The following FAT2 variants were observed in gnomAD, a reference collection of about 807,000 sequenced individuals.
The protein encoded by FAT2 is protocadherin Fat 2.
In FAT2, 150 loss-of-function variants were observed where a neutral mutation model predicts 295.3. The ratio of observed to expected loss-of-function variants is 0.51; its 90% CI spans 0.44 to 0.58. The LOEUF (loss-of-function observed/expected upper bound fraction) is 0.58. Among genes scored for constraint, FAT2 ranks in the 20% least tolerant of loss-of-function variants. FAT2 has a pLI of 0.00. For synonymous variants in FAT2, 2,026 were observed against 2,150.3 expected, an observed-to-expected ratio of 0.94 and a Z score of 1.60; for missense variants, 4,868 against 5,442.7, an observed-to-expected ratio of 0.89 and a Z score of 3.32.
At position 151,527,909 on chromosome 5, in the gene FAT2, C is replaced by A. The variant is rs1312033273; in HGVS notation, c.10164+87G>T. The A allele has an allele frequency of 2.6e-6, 4 of 1,528,650 alleles. No individual in the cohort carries two copies. The Admixed American group carries it at 7.3e-5, about 28-fold the overall frequency. The allele number at this position is 1,528,650 out of a possible 1,614,324, so 94.7% of individuals were successfully genotyped here. ...GTCTGAGGAAGTTTCAGGATGGGGT[C>A]TTGACAGCGATTCATCTTCTGGACC... On this transcript the variant is annotated intron_variant, in intron 16 of 23. Transcript: ENST00000261800.
rs1330988268 is a variant in FAT2 at position 151,531,377 on chromosome 5, C to G, written c.9811+210G>C. ...GACCTGGCTGCGGACGTGGGAGGGTCCCGTTTAAGGGAGGCTCCCACATAA... is the reference window on the plus strand; with the variant it reads ...GACCTGGCTGCGGACGTGGGAGGGTGCCGTTTAAGGGAGGCTCCCACATAA... On this transcript the variant is annotated intron_variant, in intron 14 of 23. Coordinates refer to ENST00000261800, the MANE Select transcript of FAT2 (RefSeq NM_001447.3). This position sits in a 1 kb window ranked among gnomAD's most constrained non-coding sequence, Gnocchi z 5.7. Among the ~76,000 whole-genome samples, 1 of 152,062 alleles carries G rather than the reference C, an allele frequency of 6.6e-6. No homozygotes were observed. Among genetic ancestry groups the G allele is most frequent in the Admixed American group, 6.5e-5 (1 of 15,274 alleles).
intron 18 of FAT2, among the ~76,000 whole-genome samples, chr5:151,524,378 G>T (rs1753784478): frequency 6.6e-6 from 1 of 152,128 alleles, no homozygotes; most frequent in Non-Finnish European, 1.5e-5. Context: ...AATCCCCAGT[G>T]TAACAGTATT....
chr5:151,590,634 G>C (rs1320392205), intron 1 of FAT2, among the ~76,000 whole-genome samples: 1 of 152,172 alleles, frequency 6.6e-6, no homozygotes, highest in East Asian at 1.9e-4. Flanking sequence ...AGCAGCTACA[G>C]GAGAACCAGG....
intron 18 of FAT2, among the ~76,000 whole-genome samples, chr5:151,523,553 T>G (rs955665774): frequency 6.6e-6 from 1 of 152,162 alleles, no homozygotes; most frequent in Non-Finnish European, 1.5e-5. Context: ...TGCCTCCCAG[T>G]GCATGGAAGT....
Position 151,505,374 on chromosome 5 carries a change from A to G in FAT2, c.*191T>C. 1 of 669,212 alleles carries G rather than the reference A, an allele frequency of 1.5e-6. No individual in the cohort carries two copies. Among genetic ancestry groups the G allele is most frequent in the Non-Finnish European group, 2.5e-6 (1 of 397,932 alleles). The allele number at this position is 669,212 out of a possible 1,614,324, so 41.5% of individuals were successfully genotyped here. On this transcript the variant is annotated 3_prime_UTR_variant, in exon 24 of 24. Transcript: ENST00000261800. ...ACCCTAGTGCTGTTTCTGGAGCTCT[A>G]TCCTCAGCTTCCCTCCACCCTCAGG...
upstream of FAT2, among the ~76,000 whole-genome samples, chr5:151,592,694 C>T (rs371060239): frequency 2.6e-5 from 4 of 152,124 alleles, no homozygotes; most frequent in Admixed American, 6.5e-5. Flanking sequence ...TCTCTGTCTC[C>T]GCATTTGTTA....
intron 2 of FAT2, 152 bp downstream of exon 2, chr5:151,565,521 A>T: frequency 1.3e-6 from 1 of 759,200 alleles, no homozygotes; most frequent in Non-Finnish European, 2.0e-6. Flanking sequence ...CAAATTAAAA[A>T]TAAAATACAC....
chr5:151,520,577 G>A (rs1173487613), intron 19 of FAT2, among the ~76,000 whole-genome samples: 1 of 152,190 alleles, frequency 6.6e-6, no homozygotes, highest in Non-Finnish European at 1.5e-5. Context: ...GGGGCTTATT[G>A]TGGGCCAGCC....
rs150923924 is a variant in FAT2 at position 151,533,741 on chromosome 5, A to G, written c.9427+668T>C. On this transcript the variant is annotated intron_variant, in intron 13 of 23. Transcript: ENST00000261800. ...TATACATATATATATACATACACAC[A>G]TACATATATATATGTGATATATATA... Among the ~76,000 whole-genome samples the G allele has an allele frequency of 3.4e-3, 513 of 152,024 alleles. 1 individual carries two copies. The highest frequency in any genetic ancestry group is 0.011 in the African/African-American group (459 of 41,480).
rs1303322522 is a variant in FAT2 at position 151,554,575 on chromosome 5, G to C, written c.3732C>G (p.His1244Gln). The stretch of plus-strand genomic sequence containing the variant: ...CTGGAAGGCGGACATTGAAGAGCTT[G>C]TGGGAGAATATAGGTGGATTGTCAT... ...DVNDNPPIFSHKLFNVRLPER... is the reference protein window; with the variant it reads ...DVNDNPPIFSQKLFNVRLPER... The change falls in exon 5 of 24, where the codon CAC (histidine) becomes CAG (glutamine). Residue 1244 changes from histidine (H) to glutamine (Q), a missense_variant. His to Gln is a conservative substitution (Grantham distance 24). This residue lies in a region of FAT2 where 3,297 missense variants were observed against 3,669.4 expected (regional missense o/e 0.90). Coordinates refer to ENST00000261800, the MANE Select transcript of FAT2 (RefSeq NM_001447.3). 6.2e-7 allele frequency: 1 copy of C among 1,614,118 alleles called. No individual in the cohort carries two copies. Among genetic ancestry groups the C allele is most frequent in the Non-Finnish European group, 8.5e-7 (1 of 1,180,048 alleles).
chr5:151,506,872 A>G (rs1760926230), intron 23 of FAT2, among the ~76,000 whole-genome samples: 1 of 152,146 alleles, frequency 6.6e-6, no homozygotes, highest in African/African-American at 2.4e-5. Context: ...TCTCACTCCA[A>G]GGGTTCTACC....
At chr5:151,537,175 A>G (rs1471544398) in intron 12 of FAT2, among the ~76,000 whole-genome samples, 1 of 151,460 alleles carries the variant, frequency 6.6e-6, no homozygotes, top group Non-Finnish European at 1.5e-5. Context: ...AGAGAAATAC[A>G]GAAAGAAAGA....
chr5:151,573,350 GT>G (rs1758613852), intron 1 of FAT2, among the ~76,000 whole-genome samples: 1 of 152,230 alleles, frequency 6.6e-6, no homozygotes, highest in African/African-American at 2.4e-5. Flanking sequence ...TAACTGTTGA[GT>G]TTGTGGATAA....
intron 20 of FAT2, among the ~76,000 whole-genome samples, chr5:151,513,144 C>CTGA (rs1761452181): frequency 6.6e-6 from 1 of 152,210 alleles, no homozygotes; most frequent in Non-Finnish European, 1.5e-5. Flanking sequence ...GTTGTCACAA[C>CTGA]TGATGAATGC....
rs1194856778 is a variant in FAT2, at chr5:151,542,790, G to T, written c.8337C>A (p.Ser2779=). Reference sequence around the variant, plus strand: ...CCACTTGGATGTTGACAGAGACCAAGGACACCACATCAGTGTTCTGAAGGC... The same window carrying T: ...CCACTTGGATGTTGACAGAGACCAATGACACCACATCAGTGTTCTGAAGGC... ...AHCLQNTDVV[S]LVSVNIQVGD... Residue 2779 remains serine, a synonymous_variant, in exon 10 of 24, where the codon TCC becomes TCA. Coordinates refer to ENST00000261800, the MANE Select transcript of FAT2 (RefSeq NM_001447.3). The T allele has an allele frequency of 5.0e-6, 8 of 1,614,190 alleles. No individual in the cohort carries two copies. The South Asian group carries it at 7.7e-5, about 16-fold the overall frequency.
At chr5:151,527,445 T>G in intron 16 of FAT2, 68 bp from the exon 17 acceptor site, 1 of 1,425,956 alleles carries the variant, frequency 7.0e-7, no homozygotes. Context: ...CCCTGAGTCA[T>G]CACTAATATT....
At chr5:151,528,231 T>C (rs976810391) in intron 15 of FAT2, 98 bp from the exon 16 acceptor site, 20 of 1,465,588 alleles carry the variant, frequency 1.4e-5, no homozygotes, top group Admixed American at 9.4e-5. Flanking sequence ...GTGACTGCCT[T>C]TGGGCTAGCA....
In FAT2 at chr5:151,507,450, T is replaced by G; in HGVS notation, c.12221A>C (p.Lys4074Thr). The change falls in exon 23 of 24, where the codon AAG becomes ACG. Residue 4074 changes from lysine (K) to threonine (T), a missense_variant. Transcript: ENST00000261800. Reference sequence around the variant, plus strand: ...CTCCATGGCCACAGGCTTGTGAGACTTGCAACGGCGGCAGTAGAAGAGAAG... The same window carrying G: ...CTCCATGGCCACAGGCTTGTGAGACGTGCAACGGCGGCAGTAGAAGAGAAG... ...VGLLFYCRRC[K>T]SHKPVAMEDP... 6.2e-7 allele frequency: 1 copy of G among 1,614,124 alleles called. No homozygotes were observed. Among genetic ancestry groups the G allele is most frequent in the Non-Finnish European group, 8.5e-7 (1 of 1,180,008 alleles).
rs776806142 is a variant in FAT2, at chr5:151,506,146, T to TATATA, written c.12518-50_12518-49insTATAT. 6 of 1,489,016 alleles carry TATATA rather than the reference T, an allele frequency of 4.0e-6. No homozygotes were observed. In the African/African-American group the frequency reaches 8.4e-5, roughly 21 times the overall value. 92.2% of individuals were successfully genotyped at this position (1,489,016 alleles called of 1,614,324 possible). On this transcript the variant is annotated intron_variant, in intron 23 of 23. Transcript: ENST00000261800. Reference sequence around the variant, plus strand: ...GTGAGCTCATTTTCTCCCCGGAAGGTTTCAGCTGGCTCTATAGCAACTATA... The same window carrying TATATA: ...GTGAGCTCATTTTCTCCCCGGAAGGTATATATTCAGCTGGCTCTATAGCAACTATA...
Sources: allele counts gnomAD v4.1 joint callset (sites outside exome capture counted in the v4.1 genomes callset), GRCh38; gene constraint gnomAD v4.1.1; regional missense constraint gnomAD v4.1.1; non-coding constraint Gnocchi (gnomAD v3.1); transcripts MANE v1.5; gene names NCBI Gene and HGNC (gene_info 2026-07-23, HGNC 2026-07-21).